FNDC3B: variants seen among roughly 807,000 people sequenced by gnomAD.
The protein encoded by FNDC3B is fibronectin type III domain containing 3B, also known as fibronectin type III domain-containing protein 3B.
FNDC3B carries 12 observed loss-of-function variants against 151.5 expected under a neutral mutation model. That is an observed-to-expected ratio of 0.08 (90% CI 0.05 to 0.13). The LOEUF is 0.13. FNDC3B is among the 10% of genes least tolerant of loss of function. The pLI is 1.00. For synonymous variants in FNDC3B, 528 were observed against 549.0 expected (o/e 0.96, Z 0.54); for missense variants, 1,214 against 1,505.3 (o/e 0.81, Z 3.20).
intron 23 of FNDC3B, among the ~76,000 whole-genome samples, chr3:172,372,975 C>T (rs1315718757): frequency 6.6e-6 from 1 of 152,158 alleles, no homozygotes; most frequent in Non-Finnish European, 1.5e-5. Flanking sequence ...GGTTAGAGCA[C>T]AGGTCTTCCT....
At chr3:172,139,416 C>T (rs746412249) in intron 3 of FNDC3B, among the ~76,000 whole-genome samples, 1 of 152,170 alleles carries the variant, frequency 6.6e-6, no homozygotes, top group African/African-American at 2.4e-5. Context: ...ACATACTTTG[C>T]ATATAAATGA....
At chr3:172,282,945 G>T (rs1001036049) in intron 6 of FNDC3B, among the ~76,000 whole-genome samples, 3 of 152,242 alleles carry the variant, frequency 2.0e-5, no homozygotes, top group African/African-American at 7.2e-5. Flanking sequence ...GCCCAGCACC[G>T]GAGGTGAGAA....
At chr3:172,210,258 G>A (rs368624661) in intron 3 of FNDC3B, among the ~76,000 whole-genome samples, 4 of 152,200 alleles carry the variant, frequency 2.6e-5, no homozygotes, top group Non-Finnish European at 4.4e-5. Context: ...GCTGCTCCAC[G>A]TGGGCTACCA....
intron 2 of FNDC3B, among the ~76,000 whole-genome samples, chr3:172,131,614 A>T (rs917440056): frequency 2.0e-5 from 3 of 152,198 alleles, no homozygotes; most frequent in Admixed American, 2.0e-4. Context: ...GCTTAGTCTG[A>T]GTTTCCCTGA....
intron 3 of FNDC3B, among the ~76,000 whole-genome samples, chr3:172,192,436 C>T (rs188006686): frequency 0.013 from 1,934 of 151,952 alleles, 39 homozygotes; most frequent in African/African-American, 0.045. Flanking sequence ...CCGCCCGCCT[C>T]GGCCTCCCAA....
intron 6 of FNDC3B, among the ~76,000 whole-genome samples, chr3:172,263,522 T>G (rs185538368): frequency 3.8e-4 from 58 of 151,716 alleles, no homozygotes; most frequent in African/African-American, 1.4e-3. Context: ...AAAGCTTTGT[T>G]AAAAATGATG....
intron 3 of FNDC3B, among the ~76,000 whole-genome samples, chr3:172,168,743 G>A (rs1338212919): frequency 2.2e-5 from 3 of 134,168 alleles, no homozygotes; most frequent in Non-Finnish European, 3.1e-5. Context: ...TTGAGATGGA[G>A]TCTCTGCCAC....
In FNDC3B at chr3:172,242,775, T is replaced by C. The variant is rs928597044; in HGVS notation, c.265-4758T>C. ...ATTGTCTTGCGGATTAACATTCAGC[T>C]CTTTGTTACTTAAGCAAATTTCTGC... On this transcript the variant is annotated intron_variant, in intron 4 of 25. Transcript: ENST00000415807. 3.9e-5 allele frequency among the ~76,000 whole-genome samples: 6 copies of C among 152,362 alleles called. No homozygotes were observed. In the South Asian group the frequency reaches 1.0e-3, roughly 26 times the overall value.
chr3:172,369,209 CA>C (rs1734767864), intron 23 of FNDC3B, among the ~76,000 whole-genome samples: 1 of 151,874 alleles, frequency 6.6e-6, no homozygotes, highest in South Asian at 2.1e-4. Flanking sequence ...TTACTAAAAA[CA>C]AAAATAACAG....
chr3:172,320,971 T>A (rs770032387), intron 11 of FNDC3B, among the ~76,000 whole-genome samples: 1 of 152,268 alleles, frequency 6.6e-6, no homozygotes, highest in Non-Finnish European at 1.5e-5. Context: ...ACAACAAATA[T>A]ATTTTTAAAC....
chr3:172,163,556 G>C lies in FNDC3B; in HGVS notation c.187+30010G>C, dbSNP rs190413768. ...CGCTACCCCAAAACATGAGCTTGAA[G>C]TTGCCTGTTTTTGAACTTCACATAA... On this transcript the variant is annotated intron_variant, in intron 3 of 25. Transcript: ENST00000415807. 1.2e-3 allele frequency among the ~76,000 whole-genome samples: 182 copies of C among 152,242 alleles called. 2 individuals are homozygous for C. Among genetic ancestry groups the C allele is most frequent in the African/African-American group, 4.2e-3 (175 of 41,544 alleles).
rs761480914 is a variant in FNDC3B, at chr3:172,251,453, C to T, written c.702C>T (p.Gly234=). ...GYGKGHSGGS[G]GGGSGSGPGI... ...GGAAGGGCCATAGTGGTGGAAGTGG[C>T]GGAGGCGGCAGCGGTAGTGGTCCCG... The change falls in exon 6 of 26, where the codon GGC becomes GGT. Residue 234 remains glycine (G), a synonymous_variant. Transcript: ENST00000415807. 1.5e-5 allele frequency: 24 copies of T among 1,613,974 alleles called. No homozygotes were observed. Among genetic ancestry groups the T allele is most frequent in the Middle Eastern group, 1.7e-4 (1 of 6,060 alleles).
At chr3:172,101,305 T>A (rs969438171) in intron 1 of FNDC3B, among the ~76,000 whole-genome samples, 5 of 152,182 alleles carry the variant, frequency 3.3e-5, no homozygotes, top group African/African-American at 1.2e-4. Context: ...AGCATGGAGG[T>A]CTGTTGACTT....
intron 23 of FNDC3B, among the ~76,000 whole-genome samples, chr3:172,374,290 G>C (rs1735019103): frequency 1.3e-5 from 2 of 152,176 alleles, no homozygotes; most frequent in Admixed American, 1.3e-4. Context: ...CACACAGGGA[G>C]TCCTTTCTAA....
chr3:172,312,196 C>T (rs1384196423), intron 11 of FNDC3B, among the ~76,000 whole-genome samples: 1 of 152,192 alleles, frequency 6.6e-6, no homozygotes, highest in African/African-American at 2.4e-5. Context: ...TCATCACTTT[C>T]TGCAGAAGCA....
At chr3:172,071,400 A>T (rs1242978083) in intron 1 of FNDC3B, among the ~76,000 whole-genome samples, 1 of 152,224 alleles carries the variant, frequency 6.6e-6, no homozygotes, top group African/African-American at 2.4e-5. Context: ...GGATTTATAG[A>T]ATAAGTAAAT....
At chr3:172,144,473 T>C (rs1280598552) in intron 3 of FNDC3B, among the ~76,000 whole-genome samples, 9 of 152,036 alleles carry the variant, frequency 5.9e-5, no homozygotes, top group Admixed American at 5.9e-4. Flanking sequence ...CCTGAAGGAG[T>C]GCATTCGTGG....
In FNDC3B at chr3:172,352,074, C is replaced by T. The variant is rs1042783389; in HGVS notation, c.2515-729C>T. Among the ~76,000 whole-genome samples, 4 of 152,042 alleles carry T rather than the reference C, an allele frequency of 2.6e-5. No individual in the cohort carries two copies. Among genetic ancestry groups the T allele is most frequent in the Admixed American group, 6.6e-5 (1 of 15,262 alleles). On this transcript the variant is annotated intron_variant, in intron 21 of 25. Coordinates refer to ENST00000415807, the MANE Select transcript of FNDC3B (RefSeq NM_022763.4). The surrounding 1 kb of genome is among the most constrained non-coding windows in gnomAD (Gnocchi z 4.2). ...AGTAGAGGTAGAAAAGAGGAGGTAC[C>T]GAAGTACTGAGGGCTGATACTCACC...
At chr3:172,364,203 C>T (rs549438989) in intron 23 of FNDC3B, among the ~76,000 whole-genome samples, 1 of 152,230 alleles carries the variant, frequency 6.6e-6, no homozygotes, top group East Asian at 1.9e-4. Context: ...TTTTATTTTA[C>T]TGGCTAGGGA....
Sources: gnomAD v4.1 joint callset for allele counts (sites outside exome capture counted in the v4.1 genomes callset) on GRCh38, gnomAD v4.1.1 for gene constraint, Gnocchi (gnomAD v3.1) non-coding constraint, MANE v1.5 for transcripts, NCBI Gene and HGNC (gene_info 2026-07-23, HGNC 2026-07-21) for gene names.